TBC1D15: variants seen among roughly 807,000 people sequenced by gnomAD.
TBC1D15 encodes TBC1 domain family member 15.
A neutral mutation model predicts 95.4 loss-of-function variants in TBC1D15; 39 were observed. The observed-to-expected ratio is 0.41, with a 90% confidence interval of 0.32 to 0.53. The LOEUF (loss-of-function observed/expected upper bound fraction) is 0.53, where lower values mean the gene tolerates loss of function less well. Ranked by LOEUF, TBC1D15 falls within the 20% of genes least tolerant of loss-of-function variation. The probability of loss-of-function intolerance (pLI) is 0.29; values close to 1 mark genes in which losing one functional copy is unlikely to be tolerated. For synonymous variants in TBC1D15, 258 were observed against 261.3 expected (o/e 0.99, Z 0.12); for missense variants, 733 against 794.3 (o/e 0.92, Z 0.93).
At chr12:71,914,359 G>A (rs1903167296) in intron 12 of TBC1D15, among the ~76,000 whole-genome samples, 1 of 151,936 alleles carries the variant, frequency 6.6e-6, no homozygotes, top group Non-Finnish European at 1.5e-5. Context: ...TTCTCCAGAT[G>A]TGTTTGAACT....
At chr12:71,841,878 A>G (rs1885106892) in intron 1 of TBC1D15, among the ~76,000 whole-genome samples, 1 of 152,196 alleles carries the variant, frequency 6.6e-6, no homozygotes, top group South Asian at 2.1e-4. Flanking sequence ...AAGCTGGTTA[A>G]TGTAACATAA....
At chr12:71,894,292 A>G (rs771500469) in intron 6 of TBC1D15, 25 of 1,602,600 alleles carry the variant, frequency 1.6e-5, no homozygotes, top group Non-Finnish European at 2.1e-5. Context: ...GCATGGTGGT[A>G]CACACTTCAA....
At chr12:71,854,474 T>C (rs974542883) in intron 1 of TBC1D15, 1 of 447,704 alleles carries the variant, frequency 2.2e-6, no homozygotes, top group Non-Finnish European at 4.5e-6. Flanking sequence ...TGTTATGAAC[T>C]CTTAAGATGG....
intron 11 of TBC1D15, 147 bp from the exon 12 acceptor site, chr12:71,913,676 ATTC>A (rs1902983538): frequency 1.8e-6 from 1 of 567,924 alleles, no homozygotes; most frequent in Admixed American, 3.7e-5. Flanking sequence ...CTTCATTTAT[ATTC>A]TTTTCTTGGT....
chr12:71,851,818 C>T (rs539975525), intron 1 of TBC1D15, among the ~76,000 whole-genome samples: 155 of 149,446 alleles, frequency 1.0e-3, no homozygotes, highest in Non-Finnish European at 1.5e-3. Context: ...GGCTCAGCCC[C>T]TGTGGCTGCT....
intron 1 of TBC1D15, among the ~76,000 whole-genome samples, chr12:71,868,073 T>C (rs528785367): frequency 2.6e-4 from 39 of 152,276 alleles, no homozygotes; most frequent in African/African-American, 8.9e-4. Context: ...AGTGTTACTT[T>C]GTATCAGTTA....
At chr12:71,859,076 C>A (rs1889799728) in intron 1 of TBC1D15, among the ~76,000 whole-genome samples, 1 of 150,118 alleles carries the variant, frequency 6.7e-6, no homozygotes, top group African/African-American at 2.5e-5. Context: ...TATTTTCTTG[C>A]TAATTAGTGA....
chr12:71,842,053 G>A (rs1337347528), intron 1 of TBC1D15, among the ~76,000 whole-genome samples: 1 of 152,122 alleles, frequency 6.6e-6, no homozygotes, highest in Admixed American at 6.5e-5. Context: ...TGTTAACCAA[G>A]GCTCACAAAA....
At chr12:71,893,495 A>G (rs866434333) in intron 6 of TBC1D15, among the ~76,000 whole-genome samples, 171 bp downstream of exon 6, 2 of 151,780 alleles carry the variant, frequency 1.3e-5, no homozygotes, top group African/African-American at 4.8e-5. Context: ...TACAGAAACA[A>G]TAATAAGTTT....
chr12:71,906,958 T>C, intron 10 of TBC1D15, 64 bp from the exon 11 acceptor site: 1 of 1,018,408 alleles, frequency 9.8e-7, no homozygotes, highest in South Asian at 1.7e-5. Flanking sequence ...ACTTGTAAGA[T>C]GTGAGCTTTA....
intron 1 of TBC1D15, chr12:71,861,629 C>A: frequency 3.3e-6 from 2 of 612,434 alleles, no homozygotes; most frequent in Non-Finnish European, 4.9e-6. Flanking sequence ...TCAATTTTGG[C>A]TGCCTTTAAC....
intron 5 of TBC1D15, 133 bp from the exon 6 acceptor site, chr12:71,893,089 G>T: frequency 2.0e-6 from 1 of 511,434 alleles, no homozygotes. Flanking sequence ...ATTTGCTAAT[G>T]TATTAATGGA....
intron 10 of TBC1D15, 72 bp from the exon 11 acceptor site, chr12:71,906,950 T>G (rs975182313): frequency 3.3e-6 from 3 of 915,800 alleles, no homozygotes; most frequent in Non-Finnish European, 4.9e-6. Context: ...GACTCTGTAC[T>G]TGTAAGATGT....
intron 3 of TBC1D15, among the ~76,000 whole-genome samples, chr12:71,873,820 T>A (rs961588124): frequency 1.1e-4 from 17 of 152,208 alleles, no homozygotes; most frequent in African/African-American, 4.1e-4. Context: ...ACTGGGTGGC[T>A]TAGAACAGTC....
intron 11 of TBC1D15, among the ~76,000 whole-genome samples, chr12:71,912,647 G>C (rs1228031271): frequency 6.6e-6 from 1 of 152,058 alleles, no homozygotes; most frequent in East Asian, 1.9e-4. Flanking sequence ...TCATTTATAT[G>C]ATAGCAGAAC....
chr12:71,881,375 G>T lies in TBC1D15; in HGVS notation c.343+768G>T, dbSNP rs575246417. ...GAGAAAAGCATAATCTGACAATAAAGATCACTTTATTAGTGGTTCTCAGCC... is the reference window on the plus strand; with the variant it reads ...GAGAAAAGCATAATCTGACAATAAATATCACTTTATTAGTGGTTCTCAGCC... On this transcript the variant is annotated intron_variant, in intron 4 of 16. Coordinates refer to ENST00000485960, the MANE Select transcript of TBC1D15 (RefSeq NM_001146213.3). 5.3e-5 allele frequency among the ~76,000 whole-genome samples: 8 copies of T among 152,232 alleles called. No homozygotes were observed. The South Asian group carries it at 1.7e-3, about 32-fold the overall frequency.
chr12:71,883,870 A>C (rs1228657522), intron 4 of TBC1D15, among the ~76,000 whole-genome samples: 1 of 152,126 alleles, frequency 6.6e-6, no homozygotes, highest in African/African-American at 2.4e-5. Flanking sequence ...AGTGAGAATA[A>C]ATAGTTTTTT....
At chr12:71,886,188 ACCTT>A (rs762849161) in intron 5 of TBC1D15, among the ~76,000 whole-genome samples, 66 of 151,882 alleles carry the variant, frequency 4.3e-4, no homozygotes, top group African/African-American at 5.6e-4. Flanking sequence ...ATGATTGCTA[ACCTT>A]CCTTCCTTCC....
Position 71,923,040 on chromosome 12 carries a change from C to G in TBC1D15, c.1861C>G (p.Pro621Ala), listed in dbSNP as rs1219656222. 1 of 1,614,212 alleles carries G rather than the reference C, an allele frequency of 6.2e-7. No homozygotes were observed. The highest frequency in any genetic ancestry group is 1.7e-5 in the Admixed American group (1 of 60,030). The change falls in exon 17 of 17, where the codon CCA becomes GCA. Residue 621 changes from proline (P) to alanine (A), a missense_variant. Physicochemically the swap from Pro to Ala is conservative, Grantham distance 27. Transcript: ENST00000485960. ...GCTTCAAGGCAGTGAAGTTACAACA[C>G]CAGATTCAGACGTTGGTGAAGACGA... ...LGLQGSEVTT[P>A]DSDVGEDENV...
Sources: gnomAD v4.1 joint callset for allele counts (sites outside exome capture counted in the v4.1 genomes callset) on GRCh38, gnomAD v4.1.1 for gene constraint, MANE v1.5 for transcripts, NCBI Gene and HGNC (gene_info 2026-07-23, HGNC 2026-07-21) for gene names.